Variants in MTMR8 observed in about 807,000 individuals in gnomAD.
MTMR8 encodes the protein myotubularin related protein 8.
Under a neutral mutation model 39.3 loss-of-function variants are expected in MTMR8, and 65 were observed. That is an observed-to-expected ratio of 1.65 (90% CI 1.35 to 2.03). The LOEUF is 2.03. Among genes scored for constraint, MTMR8 ranks in the 30% most tolerant of loss-of-function variants. The pLI is 0.00. For synonymous variants in MTMR8, 245 were observed against 185.2 expected, an observed-to-expected ratio of 1.32 and a Z score of -2.62; for missense variants, 777 against 538.9, an observed-to-expected ratio of 1.44 and a Z score of -4.37.
chrX:64,343,776 T>G, intron 7 of MTMR8, 56 bp from the exon 8 acceptor site: 1 of 849,214 alleles, frequency 1.2e-6, no homozygotes. Flanking sequence ...GTTTATTCAT[T>G]AAGGGGAGAA....
chrX:64,367,915 C>T (rs745498849), intron 1 of MTMR8, among the ~76,000 whole-genome samples: 6 of 112,143 alleles, frequency 5.4e-5, no homozygotes, highest in African/African-American at 1.9e-4. Context: ...AGCAAGGTCT[C>T]AGGATACAAA....
chrX:64,283,145 T>C (rs1176722539), intron 12 of MTMR8, among the ~76,000 whole-genome samples: 1 of 111,850 alleles, frequency 8.9e-6, no homozygotes, highest in African/African-American at 3.2e-5. Flanking sequence ...GCTTTTCCAA[T>C]GGTCACAGCA....
intron 12 of MTMR8, among the ~76,000 whole-genome samples, chrX:64,287,894 A>G (rs1921245185): frequency 9.5e-6 from 1 of 104,941 alleles, no homozygotes; most frequent in South Asian, 4.5e-4. Flanking sequence ...ACCTTTCAGG[A>G]CATAGGCATG....
chrX:64,363,342 T>A (rs750165235), intron 1 of MTMR8, among the ~76,000 whole-genome samples: 1 of 111,520 alleles, frequency 9.0e-6, no homozygotes, highest in Admixed American at 9.5e-5. Context: ...TGGGGGTGAA[T>A]TCCTCATGAA....
intron 11 of MTMR8, among the ~76,000 whole-genome samples, chrX:64,331,197 G>T (rs771317975): frequency 9.0e-6 from 1 of 111,725 alleles, no homozygotes; most frequent in African/African-American, 3.3e-5. Context: ...GGTTGGGTTC[G>T]GCCTATGAGC....
At chrX:64,381,091 A>C (rs1238601745) in intron 1 of MTMR8, among the ~76,000 whole-genome samples, 1 of 112,054 alleles carries the variant, frequency 8.9e-6, no homozygotes, top group Non-Finnish European at 1.9e-5. Flanking sequence ...ATGACTTATA[A>C]TCCTTTGGGC....
At chrX:64,359,610 G>A (rs1360075023) in intron 1 of MTMR8, 83 bp from the exon 2 acceptor site, 18 of 987,304 alleles carry the variant, frequency 1.8e-5, no homozygotes, top group East Asian at 3.2e-5. Flanking sequence ...CAAGATAAAC[G>A]CTGTTAATTT....
intron 1 of MTMR8, among the ~76,000 whole-genome samples, chrX:64,385,387 G>A (rs1047105177): frequency 1.8e-5 from 2 of 111,637 alleles, no homozygotes; most frequent in Admixed American, 9.5e-5. Context: ...TCCAACCTCT[G>A]CCCATGACCC....
Position 64,395,385 on chromosome X carries a change from A to AAGATCTC in MTMR8, c.-29_-23dup. ...CCATGACTGCAGTTCCCGCCACCGG[A>AAGATCTC]AGATCTCAGTGCTACTCCAGATGCC... On this transcript the variant is annotated 5_prime_UTR_variant, in exon 1 of 14. Coordinates refer to ENST00000374852, the MANE Select transcript of MTMR8 (RefSeq NM_017677.4). 8.3e-7 allele frequency: 1 copy of AAGATCTC among 1,207,170 alleles called. No individual in the cohort carries two copies. The highest frequency in any genetic ancestry group is 1.1e-6 in the Non-Finnish European group (1 of 893,045).
intron 1 of MTMR8, among the ~76,000 whole-genome samples, chrX:64,375,427 A>T (rs748698563): frequency 5.4e-5 from 6 of 111,870 alleles, no homozygotes; most frequent in African/African-American, 1.9e-4. Flanking sequence ...GTTGAAGTAC[A>T]TATATTAATA....
intron 12 of MTMR8, among the ~76,000 whole-genome samples, chrX:64,309,672 C>A (rs757899132): frequency 9.0e-6 from 1 of 111,368 alleles, no homozygotes. Flanking sequence ...TACTGTCAAA[C>A]CTTGGAGATA....
intron 12 of MTMR8, among the ~76,000 whole-genome samples, chrX:64,328,023 A>G (rs1922845153): frequency 8.9e-6 from 1 of 111,961 alleles, no homozygotes; most frequent in Admixed American, 9.5e-5. Context: ...AAAAAATACA[A>G]TAAATACTCA....
chrX:64,365,701 A>G (rs911335870), intron 1 of MTMR8, among the ~76,000 whole-genome samples: 1 of 111,785 alleles, frequency 8.9e-6, no homozygotes, highest in Non-Finnish European at 1.9e-5. Flanking sequence ...AACTGCATCA[A>G]CTACCAAGCA....
At chrX:64,357,834 C>T (rs1311315719) in intron 2 of MTMR8, among the ~76,000 whole-genome samples, 1 of 111,733 alleles carries the variant, frequency 8.9e-6, no homozygotes, top group Non-Finnish European at 1.9e-5. Flanking sequence ...TTCCAGTCAA[C>T]ATGAGAGATG....
intron 1 of MTMR8, among the ~76,000 whole-genome samples, chrX:64,389,890 G>A (rs773193785): frequency 1.8e-5 from 2 of 111,743 alleles, no homozygotes; most frequent in African/African-American, 6.5e-5. Flanking sequence ...AGCCAGCTTT[G>A]TCCATGCTTT....
At position 64,348,659 on chromosome X, in the gene MTMR8, C is replaced by A; in HGVS notation, c.732+1G>T. On this transcript the variant is annotated splice_donor_variant, in intron 6 of 13. Transcript: ENST00000374852. LOFTEE classifies it high-confidence loss of function. ...CAAAGAAATCACTGAGAAATAGATA[C>A]CTTTGGTCTTGTGTCTACAACATAC... 1 of 1,209,707 alleles carries A rather than the reference C, an allele frequency of 8.3e-7. No individual in the cohort carries two copies. The highest frequency in any genetic ancestry group is 1.1e-6 in the Non-Finnish European group (1 of 894,286).
At chrX:64,315,200 G>T (rs1569218412) in intron 12 of MTMR8, among the ~76,000 whole-genome samples, 1 of 111,844 alleles carries the variant, frequency 8.9e-6, no homozygotes, top group African/African-American at 3.2e-5. Flanking sequence ...ATGGTCTGGG[G>T]GTCTTCTCCT....
intron 13 of MTMR8, among the ~76,000 whole-genome samples, chrX:64,270,311 T>G (rs773104812): frequency 2.7e-5 from 3 of 112,268 alleles, no homozygotes; most frequent in Admixed American, 1.9e-4. Context: ...TTATCTGGCT[T>G]AAAGTGGGTT....
intron 1 of MTMR8, among the ~76,000 whole-genome samples, chrX:64,382,694 G>C (rs1053295051): frequency 7.2e-5 from 8 of 111,523 alleles, no homozygotes; most frequent in African/African-American, 2.6e-4. Context: ...TTTTCAAAGG[G>C]AATGCTTCCA....
Sources: allele counts gnomAD v4.1 joint callset (sites outside exome capture counted in the v4.1 genomes callset), GRCh38; gene constraint gnomAD v4.1.1; transcripts MANE v1.5; gene names NCBI Gene and HGNC (gene_info 2026-07-23, HGNC 2026-07-21).